PITPNC1: variants seen among roughly 807,000 people sequenced by gnomAD.
The protein encoded by PITPNC1 is phosphatidylinositol transfer protein cytoplasmic 1.
In PITPNC1, 18 loss-of-function variants were observed where a neutral mutation model predicts 44.7. The observed-to-expected ratio is 0.40, with a 90% CI of 0.28 to 0.60. The LOEUF (loss-of-function observed/expected upper bound fraction) is 0.60. PITPNC1 is among the 20% of genes least tolerant of loss of function. PITPNC1 has a pLI of 0.39. For missense variants in PITPNC1, 290 were observed against 418.4 expected (o/e 0.69, Z 2.68); for synonymous variants, 141 against 149.6 (o/e 0.94, Z 0.42).
At chr17:67,631,657 A>AAATATATATATATATAT (rs1555574522) in intron 5 of PITPNC1, among the ~76,000 whole-genome samples, 3 of 7,670 alleles carry the variant, frequency 3.9e-4, no homozygotes, top group African/African-American at 7.4e-4. Flanking sequence ...AAAAAAAAAA[A>AAATATATATATATATAT]ATATATATAT....
intron 1 of PITPNC1, among the ~76,000 whole-genome samples, chr17:67,499,131 C>T (rs2039995328): frequency 6.6e-6 from 1 of 152,164 alleles, no homozygotes; most frequent in Admixed American, 6.5e-5. Flanking sequence ...GCCTCAGCCT[C>T]TCAAAGTGCT....
At chr17:67,669,469 C>G in intron 6 of PITPNC1, 39 bp from the exon 7 acceptor site, 4 of 1,393,244 alleles carry the variant, frequency 2.9e-6, no homozygotes, top group Non-Finnish European at 3.9e-6. Flanking sequence ...GATGGTCAAA[C>G]TTTTAATATA....
At chr17:67,406,412 T>C (rs1014046142) in intron 1 of PITPNC1, among the ~76,000 whole-genome samples, 1 of 152,210 alleles carries the variant, frequency 6.6e-6, no homozygotes, top group African/African-American at 2.4e-5. Flanking sequence ...ATCTATACTT[T>C]CTGTCCTTAT....
intron 1 of PITPNC1, among the ~76,000 whole-genome samples, chr17:67,431,103 G>T (rs2038850501): frequency 7.2e-6 from 1 of 139,762 alleles, no homozygotes; most frequent in Admixed American, 7.7e-5. Flanking sequence ...CTGTCGCCCA[G>T]GCCGGAGTGC....
At position 67,676,988 on chromosome 17, in the gene PITPNC1, T is replaced by C. The variant is rs1010299058; in HGVS notation, c.682+1446T>C. On this transcript the variant is annotated intron_variant, in intron 8 of 8. Coordinates refer to ENST00000581322, the MANE Select transcript of PITPNC1 (RefSeq NM_012417.4). This position sits in a 1 kb window ranked among gnomAD's most constrained non-coding sequence, Gnocchi z 4.0. ...ACCGCAAAAGCACTGGCTTGCCACA[T>C]TGTCATGTAGTCTCCCAGAGACCTG... Among the ~76,000 whole-genome samples, 5 of 152,104 alleles carry C rather than the reference T, an allele frequency of 3.3e-5. No individual in the cohort carries two copies. Among genetic ancestry groups the C allele is most frequent in the Non-Finnish European group, 5.9e-5 (4 of 68,014 alleles).
At chr17:67,487,205 C>T (rs922699577) in intron 1 of PITPNC1, among the ~76,000 whole-genome samples, 27 of 152,098 alleles carry the variant, frequency 1.8e-4, no homozygotes, top group African/African-American at 5.3e-4. Flanking sequence ...GACAGGTTCT[C>T]GCTTTGTCAC....
intron 8 of PITPNC1, among the ~76,000 whole-genome samples, chr17:67,687,712 C>G (rs908054757): frequency 6.6e-6 from 1 of 152,138 alleles, no homozygotes; most frequent in South Asian, 2.1e-4. Context: ...TGTGCAGACA[C>G]ACAGGCTGAG....
intron 1 of PITPNC1, among the ~76,000 whole-genome samples, chr17:67,458,156 T>C (rs1247696436): frequency 6.6e-6 from 1 of 152,182 alleles, no homozygotes; most frequent in East Asian, 1.9e-4. Flanking sequence ...CTCTCCATCA[T>C]ACCTACACCA....
intron 1 of PITPNC1, among the ~76,000 whole-genome samples, chr17:67,495,251 G>A (rs900887183): frequency 2.6e-5 from 4 of 151,544 alleles, no homozygotes; most frequent in African/African-American, 9.7e-5. Flanking sequence ...GTAGAGATGG[G>A]GTTTCATCAT....
At chr17:67,422,499 G>A (rs905002453) in intron 1 of PITPNC1, among the ~76,000 whole-genome samples, 1 of 152,084 alleles carries the variant, frequency 6.6e-6, no homozygotes, top group Non-Finnish European at 1.5e-5. Flanking sequence ...GTACATACAG[G>A]TGTGAGCCAC....
chr17:67,642,989 G>A (rs1455266698), intron 6 of PITPNC1, among the ~76,000 whole-genome samples: 1 of 152,142 alleles, frequency 6.6e-6, no homozygotes, highest in Non-Finnish European at 1.5e-5. Flanking sequence ...GACCAAGTAG[G>A]TCAAACAAAA....
In PITPNC1 at chr17:67,377,863, C is replaced by G. The variant is rs8866; in HGVS notation, c.-292C>G. The G allele has an allele frequency of 0.31, 114,075 of 362,564 alleles. 20,455 individuals carry two copies. The highest frequency in any genetic ancestry group is 0.38 in the Non-Finnish European group (76,422 of 203,316). 22.5% of individuals were successfully genotyped at this position (362,564 alleles called of 1,614,324 possible). Reference sequence around the variant, plus strand: ...ACCACCCTGGGCAGCCGAGCAGAGTCGTCCCCAGCGGGTCTCCCTCCCTGC... The same window carrying G: ...ACCACCCTGGGCAGCCGAGCAGAGTGGTCCCCAGCGGGTCTCCCTCCCTGC... On this transcript the variant is annotated 5_prime_UTR_variant, in exon 1 of 9. Transcript: ENST00000581322.
chr17:67,511,672 C>A (rs537364335), intron 1 of PITPNC1, among the ~76,000 whole-genome samples: 1 of 152,080 alleles, frequency 6.6e-6, no homozygotes, highest in Non-Finnish European at 1.5e-5. Context: ...CCACGCCCAG[C>A]TAATTTTTGT....
chr17:67,558,845 T>C (rs1213358275), intron 4 of PITPNC1, among the ~76,000 whole-genome samples: 2 of 152,094 alleles, frequency 1.3e-5, no homozygotes, highest in African/African-American at 2.4e-5. Flanking sequence ...GACTCTTTCA[T>C]GAGAACCTCA....
intron 1 of PITPNC1, among the ~76,000 whole-genome samples, chr17:67,398,499 C>T (rs1336777174): frequency 2.3e-5 from 3 of 129,202 alleles, no homozygotes; most frequent in African/African-American, 3.8e-5. Context: ...GGTTGTGCGA[C>T]GTGCAGTTGG....
intron 8 of PITPNC1, among the ~76,000 whole-genome samples, chr17:67,690,889 G>T (rs2042914161): frequency 6.6e-6 from 1 of 152,066 alleles, no homozygotes; most frequent in Non-Finnish European, 1.5e-5. Flanking sequence ...TGGATCACGA[G>T]GTTAGGAGTT....
intron 1 of PITPNC1, among the ~76,000 whole-genome samples, chr17:67,509,533 T>C (rs2040152294): frequency 6.6e-6 from 1 of 151,018 alleles, no homozygotes; most frequent in African/African-American, 2.4e-5. Flanking sequence ...TGAGGCTCCA[T>C]CTCTAAATTA....
intron 1 of PITPNC1, among the ~76,000 whole-genome samples, 186 bp from the exon 2 acceptor site, chr17:67,532,616 G>A (rs1415515778): frequency 6.6e-6 from 1 of 152,050 alleles, no homozygotes; most frequent in Non-Finnish European, 1.5e-5. Flanking sequence ...ACGCCGTCTC[G>A]ATGTTCTACT....
chr17:67,505,892 G>A (rs1414972336), intron 1 of PITPNC1, among the ~76,000 whole-genome samples: 3 of 152,060 alleles, frequency 2.0e-5, no homozygotes, highest in African/African-American at 7.2e-5. Context: ...CTTTTCCCTC[G>A]CAATTCTTTT....
Sources: allele counts gnomAD v4.1 joint callset (sites outside exome capture counted in the v4.1 genomes callset), GRCh38; gene constraint gnomAD v4.1.1; non-coding constraint Gnocchi (gnomAD v3.1); transcripts MANE v1.5; gene names NCBI Gene and HGNC (gene_info 2026-07-23, HGNC 2026-07-21).